The following ARHGAP24 variants were observed in gnomAD, a reference collection of about 807,000 sequenced individuals.
The protein encoded by ARHGAP24 is rho GTPase-activating protein 24.
A neutral mutation model predicts 76.4 loss-of-function variants in ARHGAP24; 50 were observed. The observed-to-expected ratio is 0.65, with a 90% CI of 0.52 to 0.83. ARHGAP24 has a LOEUF of 0.83. Among genes scored for constraint, ARHGAP24 ranks in the 40% least tolerant of loss-of-function variants. The probability of loss-of-function intolerance (pLI) is 0.00; values close to 1 mark genes in which losing one functional copy is unlikely to be tolerated. For missense variants in ARHGAP24, 930 were observed against 914.2 expected (o/e 1.02, Z -0.22); for synonymous variants, 345 against 323.3 (o/e 1.07, Z -0.72).
At chr4:85,909,877 C>T (rs192887121) in intron 3 of ARHGAP24, among the ~76,000 whole-genome samples, 195 of 152,274 alleles carry the variant, frequency 1.3e-3, no homozygotes, top group African/African-American at 4.1e-3. Context: ...GGCCTGAAAC[C>T]TCTGGCCAGT....
At chr4:85,808,017 T>C (rs1180727329) in intron 3 of ARHGAP24, among the ~76,000 whole-genome samples, 1 of 152,238 alleles carries the variant, frequency 6.6e-6, no homozygotes, top group Non-Finnish European at 1.5e-5. Context: ...GAGTTTTTTA[T>C]TACTAATTCA....
intron 3 of ARHGAP24, among the ~76,000 whole-genome samples, chr4:85,798,218 C>T (rs1728446043): frequency 6.6e-6 from 1 of 152,142 alleles, no homozygotes; most frequent in Non-Finnish European, 1.5e-5. Flanking sequence ...ATGCCTGTGT[C>T]ATCTGATATA....
intron 2 of ARHGAP24, among the ~76,000 whole-genome samples, chr4:85,602,031 C>T (rs1406220344): frequency 2.8e-5 from 1 of 35,748 alleles, no homozygotes; most frequent in Non-Finnish European, 5.6e-5. Context: ...AGTGAACAGC[C>T]CACAAAGGCC....
chr4:85,919,093 G>C (rs2148807678), intron 3 of ARHGAP24, among the ~76,000 whole-genome samples: 1 of 152,126 alleles, frequency 6.6e-6, no homozygotes, highest in East Asian at 1.9e-4. Context: ...TTGAAGACTG[G>C]GAAACTCTCA....
At chr4:85,865,984 C>G (rs1202142644) in intron 3 of ARHGAP24, among the ~76,000 whole-genome samples, 1 of 152,038 alleles carries the variant, frequency 6.6e-6, no homozygotes, top group African/African-American at 2.4e-5. Context: ...CTGGAAATAC[C>G]TATTTTGCAA....
At chr4:85,660,153 G>A (rs1009311190) in intron 2 of ARHGAP24, among the ~76,000 whole-genome samples, 3 of 152,090 alleles carry the variant, frequency 2.0e-5, no homozygotes, top group African/African-American at 7.2e-5. Flanking sequence ...TAACTTTTAA[G>A]TTATGACTGT....
intron 1 of ARHGAP24, among the ~76,000 whole-genome samples, chr4:85,516,783 GC>G (rs1395017827): frequency 2.6e-5 from 4 of 151,746 alleles, no homozygotes; most frequent in Non-Finnish European, 5.9e-5. Flanking sequence ...CTGCCTCCCT[GC>G]CCCCAACTTT....
At chr4:85,794,139 A>G (rs1366702816) in intron 3 of ARHGAP24, among the ~76,000 whole-genome samples, 1 of 152,208 alleles carries the variant, frequency 6.6e-6, no homozygotes, top group African/African-American at 2.4e-5. Context: ...TTTGTACTAT[A>G]TCTTTATTTT....
intron 2 of ARHGAP24, among the ~76,000 whole-genome samples, chr4:85,615,656 T>C (rs1331507858): frequency 6.6e-6 from 1 of 152,214 alleles, no homozygotes; most frequent in African/African-American, 2.4e-5. Flanking sequence ...AACTCTATGA[T>C]ATATAATTAA....
chr4:85,551,090 C>T (rs112315645), intron 1 of ARHGAP24, among the ~76,000 whole-genome samples: 266 of 152,326 alleles, frequency 1.7e-3, no homozygotes, highest in African/African-American at 6.1e-3. Context: ...TGAGAGAGGG[C>T]ATCCCTGTCT....
At chr4:85,622,857 G>A (rs4693723) in intron 2 of ARHGAP24, among the ~76,000 whole-genome samples, 50,021 of 151,980 alleles carry the variant, frequency 0.33, 9,273 homozygotes, top group East Asian at 0.84. Flanking sequence ...GTGATGATGA[G>A]CATTTTTTCA....
chr4:85,596,585 T>TTGC (rs398072218), intron 2 of ARHGAP24, among the ~76,000 whole-genome samples: 1 of 151,022 alleles, frequency 6.6e-6, no homozygotes, highest in Non-Finnish European at 1.5e-5. Flanking sequence ...TAAAATCCTG[T>TTGC]ATGTGTTTTC....
chr4:85,476,261 A>G (rs1366279578), intron 1 of ARHGAP24, among the ~76,000 whole-genome samples: 1 of 152,064 alleles, frequency 6.6e-6, no homozygotes, highest in Admixed American at 6.6e-5. Flanking sequence ...ATACGTACCC[A>G]AATAGAAGGG....
At chr4:85,971,438 G>T (rs77505712) in intron 5 of ARHGAP24, among the ~76,000 whole-genome samples, 6,899 of 152,040 alleles carry the variant, frequency 0.045, 534 homozygotes, top group African/African-American at 0.16. Context: ...AAAGAAAAAT[G>T]CTTGAATGTT....
chr4:85,869,219 G>A (rs1426084222), intron 3 of ARHGAP24, among the ~76,000 whole-genome samples: 1 of 152,138 alleles, frequency 6.6e-6, no homozygotes, highest in South Asian at 2.1e-4. Flanking sequence ...CGCAGATGTA[G>A]ATTAACAGTG....
At chr4:85,999,176 G>A (rs1200030300) in intron 9 of ARHGAP24, among the ~76,000 whole-genome samples, 1 of 151,738 alleles carries the variant, frequency 6.6e-6, no homozygotes, top group Non-Finnish European at 1.5e-5. Flanking sequence ...GTCCTTCTCA[G>A]TATTTTAATT....
At chr4:85,565,016 T>C (rs1326410604) in intron 1 of ARHGAP24, among the ~76,000 whole-genome samples, 1 of 145,530 alleles carries the variant, frequency 6.9e-6, no homozygotes, top group Non-Finnish European at 1.5e-5. Context: ...CATACACATA[T>C]GTGCACTTGC....
intron 6 of ARHGAP24, among the ~76,000 whole-genome samples, chr4:85,974,325 G>C (rs953427334): frequency 6.6e-6 from 1 of 152,116 alleles, no homozygotes; most frequent in African/African-American, 2.4e-5. Flanking sequence ...GAAGAAGAAA[G>C]CAAATTACAT....
At chr4:85,579,534 T>C (rs1180107428) in intron 2 of ARHGAP24, among the ~76,000 whole-genome samples, 2 of 151,060 alleles carry the variant, frequency 1.3e-5, no homozygotes, top group Non-Finnish European at 3.0e-5. Flanking sequence ...ATGTCTTCTC[T>C]TCTTTAGCTT....
Sources: gnomAD v4.1 joint callset for allele counts (sites outside exome capture counted in the v4.1 genomes callset) on GRCh38, gnomAD v4.1.1 for gene constraint, MANE v1.5 for transcripts, NCBI Gene and HGNC (gene_info 2026-07-23, HGNC 2026-07-21) for gene names.